GPC5: variants seen among roughly 807,000 people sequenced by gnomAD.
GPC5 encodes the protein glypican 5, also known as glypican-5.
A neutral mutation model predicts 53.9 loss-of-function variants in GPC5; 47 were observed. The ratio of observed to expected loss-of-function variants is 0.87; its 90% CI spans 0.69 to 1.11. GPC5 has a LOEUF of 1.11. Ranked by LOEUF, GPC5 falls within the 50% of genes most tolerant of loss-of-function variation. The probability of loss-of-function intolerance (pLI) is 0.00; values close to 1 mark genes in which losing one functional copy is unlikely to be tolerated. For missense variants in GPC5, 748 were observed against 713.1 expected (o/e 1.05, Z -0.56); for synonymous variants, 286 against 263.3 (o/e 1.09, Z -0.84).
intron 7 of GPC5, chr13:92,448,985 G>T (rs1877946650): frequency 6.6e-6 from 1 of 150,544 alleles, no homozygotes; most frequent in South Asian, 2.1e-4. Context: ...GATGGGTGAT[G>T]TGTTATGTAG....
chr13:92,164,331 A>G (rs78719977), intron 7 of GPC5, among the ~76,000 whole-genome samples: 5,843 of 152,270 alleles, frequency 0.038, 250 homozygotes, highest in African/African-American at 0.098. Flanking sequence ...CAAAAGCAAC[A>G]TACAGTGGGG....
chr13:91,959,444 C>CT (rs2040106495), intron 6 of GPC5, among the ~76,000 whole-genome samples: 1 of 151,974 alleles, frequency 6.6e-6, no homozygotes, highest in African/African-American at 2.4e-5. Context: ...AATGACTTCA[C>CT]TGCCAAATTC....
intron 7 of GPC5, among the ~76,000 whole-genome samples, chr13:92,650,064 C>A (rs950614648): frequency 6.6e-6 from 1 of 151,990 alleles, no homozygotes; most frequent in Admixed American, 6.6e-5. Flanking sequence ...CATAAGTTCA[C>A]CTGTAAGATT....
chr13:92,650,730 C>A (rs1594382856), intron 7 of GPC5, among the ~76,000 whole-genome samples: 1 of 152,154 alleles, frequency 6.6e-6, no homozygotes, highest in African/African-American at 2.4e-5. Flanking sequence ...AGACAGCATA[C>A]CTTTTGTATG....
intron 5 of GPC5, among the ~76,000 whole-genome samples, chr13:91,835,733 G>A (rs1232167850): frequency 3.3e-5 from 5 of 151,896 alleles, no homozygotes; most frequent in East Asian, 1.9e-4. Context: ...AGGGCCTGTC[G>A]GGGGTTGGGG....
intron 2 of GPC5, among the ~76,000 whole-genome samples, chr13:91,658,766 A>G (rs990645043): frequency 2.0e-5 from 3 of 152,146 alleles, no homozygotes; most frequent in East Asian, 3.9e-4. Flanking sequence ...CCTCATATGT[A>G]CTGTGTGCCA....
intron 7 of GPC5, among the ~76,000 whole-genome samples, chr13:92,166,556 A>G (rs1017936268): frequency 2.6e-5 from 4 of 152,094 alleles, no homozygotes; most frequent in African/African-American, 7.2e-5. Context: ...AGGTAGTTTC[A>G]TTAGCCCTAA....
intron 6 of GPC5, among the ~76,000 whole-genome samples, chr13:92,016,625 T>C (rs952183415): frequency 2.0e-5 from 3 of 152,200 alleles, no homozygotes; most frequent in Non-Finnish European, 2.9e-5. Flanking sequence ...TGTGAATCAA[T>C]ATAGGCTCTT....
intron 7 of GPC5, among the ~76,000 whole-genome samples, chr13:92,256,636 T>C (rs534060639): frequency 1.3e-5 from 2 of 152,160 alleles, no homozygotes; most frequent in Admixed American, 6.5e-5. Flanking sequence ...TGGTTTTCCA[T>C]TGACAAGGAA....
intron 7 of GPC5, among the ~76,000 whole-genome samples, chr13:92,416,061 T>C (rs1362489242): frequency 2.0e-5 from 3 of 152,204 alleles, no homozygotes; most frequent in African/African-American, 4.8e-5. Flanking sequence ...GGAGGTAATT[T>C]TAGCTTTGGA....
At chr13:91,421,989 A>C (rs1028230744) in intron 1 of GPC5, among the ~76,000 whole-genome samples, 1 of 152,228 alleles carries the variant, frequency 6.6e-6, no homozygotes, top group African/African-American at 2.4e-5. Flanking sequence ...ACAGAAACAC[A>C]GTAATGAAAA....
At chr13:91,458,746 G>A (rs561105813) in intron 2 of GPC5, among the ~76,000 whole-genome samples, 5 of 152,002 alleles carry the variant, frequency 3.3e-5, no homozygotes, top group Non-Finnish European at 7.4e-5. Context: ...AAAGACACTT[G>A]CACACATGTG....
rs71123435 is a variant in GPC5 at position 92,751,303 on chromosome 13, TAAAAAAAA to T, written c.1562-114954_1562-114947del. Among the ~76,000 whole-genome samples, 299 of 38,792 alleles carry T rather than the reference TAAAAAAAA, an allele frequency of 7.7e-3. 3 individuals are homozygous for T. Among genetic ancestry groups the T allele is most frequent in the South Asian group, 0.044 (43 of 982 alleles). The allele number at this position is 38,792 out of a possible 152,430, so 25.4% of individuals were successfully genotyped here. ...AAACCTTTGGTCATCCAGAAACATT[TAAAAAAAA>T]AAAAAAAAAAAAAAAAAAAAAAAAC... On this transcript the variant is annotated intron_variant, in intron 7 of 7. Coordinates refer to ENST00000377067, the MANE Select transcript of GPC5 (RefSeq NM_004466.6).
At chr13:92,313,287 C>G (rs1430027996) in intron 7 of GPC5, among the ~76,000 whole-genome samples, 3 of 152,092 alleles carry the variant, frequency 2.0e-5, no homozygotes, top group African/African-American at 7.2e-5. Flanking sequence ...TCTCCACTTT[C>G]CAAGAAATAA....
chr13:92,523,469 A>T (rs762503178), intron 7 of GPC5, among the ~76,000 whole-genome samples: 1 of 152,116 alleles, frequency 6.6e-6, no homozygotes, highest in Non-Finnish European at 1.5e-5. Context: ...ATATTTAGAA[A>T]CATTTCCATC....
chr13:92,811,886 C>A (rs1346607221), intron 7 of GPC5, among the ~76,000 whole-genome samples: 1 of 151,882 alleles, frequency 6.6e-6, no homozygotes, highest in Non-Finnish European at 1.5e-5. Flanking sequence ...ATGGACTAAG[C>A]ATTCTTGTCA....
At chr13:91,543,586 T>C (rs1416722147) in intron 2 of GPC5, among the ~76,000 whole-genome samples, 1 of 149,916 alleles carries the variant, frequency 6.7e-6, no homozygotes, top group African/African-American at 2.5e-5. Context: ...AAAATACCTA[T>C]ACTCTGTCTA....
intron 2 of GPC5, among the ~76,000 whole-genome samples, chr13:91,637,342 G>T (rs1474549516): frequency 2.0e-5 from 3 of 152,188 alleles, no homozygotes; most frequent in Non-Finnish European, 4.4e-5. Context: ...AAAAGAGTGA[G>T]GGATAAATTC....
intron 7 of GPC5, among the ~76,000 whole-genome samples, chr13:92,389,765 A>G (rs1329168435): frequency 2.0e-5 from 3 of 152,206 alleles, no homozygotes; most frequent in Non-Finnish European, 4.4e-5. Flanking sequence ...CAGTGAGGCC[A>G]TCAATGTATG....
Sources: gnomAD v4.1 joint callset for allele counts (sites outside exome capture counted in the v4.1 genomes callset) on GRCh38, gnomAD v4.1.1 for gene constraint, MANE v1.5 for transcripts, NCBI Gene and HGNC (gene_info 2026-07-23, HGNC 2026-07-21) for gene names.